The following KCNMA1 variants were observed in gnomAD, a reference collection of about 807,000 sequenced individuals.
KCNMA1 encodes potassium calcium-activated channel subfamily M alpha 1.
In KCNMA1, 29 loss-of-function variants were observed where a neutral mutation model predicts 140.0. That is an observed-to-expected ratio of 0.21 (90% CI 0.15 to 0.28). KCNMA1 has a LOEUF of 0.28. Among genes scored for constraint, KCNMA1 ranks in the 10% least tolerant of loss-of-function variants. The pLI is 1.00. For synonymous variants in KCNMA1, 612 were observed against 611.9 expected, an observed-to-expected ratio of 1.00 and a Z score of 0.00; for missense variants, 880 against 1,602.2, an observed-to-expected ratio of 0.55 and a Z score of 7.70.
At chr10:77,267,275 C>T (rs1288751862) in intron 2 of KCNMA1, among the ~76,000 whole-genome samples, 3 of 152,186 alleles carry the variant, frequency 2.0e-5, no homozygotes, top group Non-Finnish European at 2.9e-5. Context: ...TGAAGTCCCA[C>T]TGAATTCAAT....
At chr10:77,120,849 G>T (rs2097578344) in intron 6 of KCNMA1, 124 bp downstream of exon 6, 2 of 697,268 alleles carry the variant, frequency 2.9e-6, no homozygotes, top group Non-Finnish European at 5.2e-6. Flanking sequence ...CTCTGTGTTA[G>T]ATCACTCTTT....
At chr10:77,471,714 TCA>T (rs2098158597) in intron 1 of KCNMA1, among the ~76,000 whole-genome samples, 1 of 141,454 alleles carries the variant, frequency 7.1e-6, no homozygotes, top group African/African-American at 2.7e-5. Flanking sequence ...TATACACATA[TCA>T]CACATACACA....
Position 77,084,630 on chromosome 10 carries a change from G to C in KCNMA1, c.1523+7C>G. 6.2e-7 allele frequency: 1 copy of C among 1,613,020 alleles called. No homozygotes were observed. The highest frequency in any genetic ancestry group is 8.5e-7 in the Non-Finnish European group (1 of 1,178,954). On this transcript the variant is annotated splice_region_variant and intron_variant, in intron 12 of 27. Coordinates refer to ENST00000286628, the MANE Select transcript of KCNMA1 (RefSeq NM_001161352.2). ...CCCAGGGCCTTCCGCAGCGCCCCAAGAGTTACCTCATGATATTCGAGGCAT... is the reference window on the plus strand; with the variant it reads ...CCCAGGGCCTTCCGCAGCGCCCCAACAGTTACCTCATGATATTCGAGGCAT...
chr10:77,531,226 G>T (rs933033593), intron 1 of KCNMA1, among the ~76,000 whole-genome samples: 1 of 152,204 alleles, frequency 6.6e-6, no homozygotes, highest in African/African-American at 2.4e-5. Context: ...GCAGATGGGG[G>T]TGAATGAAAG....
rs531312166 is a variant in KCNMA1, at chr10:76,917,882, G to A, written c.2903-2833C>T. ...ATATGGGAAAATTATGGTCAGAAAC[G>A]GCAGGATTGCCCCAGATTCCTTAAA... On this transcript the variant is annotated intron_variant, in intron 23 of 27. Transcript: ENST00000286628. Among the ~76,000 whole-genome samples the A allele has an allele frequency of 1.5e-4, 23 of 152,184 alleles. No individual in the cohort carries two copies. The East Asian group carries it at 2.7e-3, about 18-fold the overall frequency.
At chr10:77,158,795 T>G (rs1362144624) in intron 5 of KCNMA1, among the ~76,000 whole-genome samples, 1 of 151,846 alleles carries the variant, frequency 6.6e-6, no homozygotes, top group Non-Finnish European at 1.5e-5. Flanking sequence ...GAAGAAGGAG[T>G]TCAAGGTGAT....
At chr10:76,875,904 T>C (rs2032295734), downstream of KCNMA1, 1 of 152,678 alleles carries the variant, frequency 6.5e-6, no homozygotes, top group South Asian at 2.1e-4. Context: ...TAGTGATTAA[T>C]TATAAGTAGT....
chr10:77,209,316 C>T (rs1329650521), intron 3 of KCNMA1, among the ~76,000 whole-genome samples: 1 of 152,160 alleles, frequency 6.6e-6, no homozygotes, highest in East Asian at 1.9e-4. Context: ...TTCTTATAGG[C>T]ACCTCAGATC....
chr10:77,024,716 T>A (rs1216754669), intron 16 of KCNMA1, among the ~76,000 whole-genome samples: 2 of 152,150 alleles, frequency 1.3e-5, no homozygotes, highest in African/African-American at 2.4e-5. Flanking sequence ...CATGAGTCTG[T>A]CTCAATAAAC....
At chr10:77,107,407 T>C (rs1350073425) in intron 9 of KCNMA1, among the ~76,000 whole-genome samples, 2 of 152,188 alleles carry the variant, frequency 1.3e-5, no homozygotes, top group African/African-American at 4.8e-5. Context: ...GTTAAAGATG[T>C]GTACATTTAA....
chr10:77,619,903 T>C (rs975935532), intron 1 of KCNMA1, among the ~76,000 whole-genome samples: 13 of 151,914 alleles, frequency 8.6e-5, no homozygotes, highest in East Asian at 1.9e-4. Flanking sequence ...ACTTGGAGGA[T>C]GGAGGAGGTG....
chr10:77,029,565 T>A (rs1057462914), intron 15 of KCNMA1, among the ~76,000 whole-genome samples: 1 of 152,074 alleles, frequency 6.6e-6, no homozygotes, highest in Admixed American at 6.6e-5. Context: ...AATAAGAAAA[T>A]ATACAAGTGA....
At chr10:77,012,284 C>A in intron 17 of KCNMA1, 1 of 1,459,862 alleles carries the variant, frequency 6.8e-7, no homozygotes, top group Admixed American at 2.8e-5. Flanking sequence ...TACAAAGAAA[C>A]TGGGAAAAAA....
At chr10:77,254,224 CTT>C (rs11402076) in intron 2 of KCNMA1, among the ~76,000 whole-genome samples, 5 of 140,444 alleles carry the variant, frequency 3.6e-5, no homozygotes, top group African/African-American at 7.9e-5. Flanking sequence ...GAAATATACT[CTT>C]TTTTTTTTTT....
intron 1 of KCNMA1, among the ~76,000 whole-genome samples, chr10:77,494,742 T>C (rs2041245039): frequency 6.6e-6 from 1 of 152,178 alleles, no homozygotes; most frequent in African/African-American, 2.4e-5. Flanking sequence ...CTGAGTTGGA[T>C]TAAATAATAG....
chr10:77,169,245 G>A (rs1180634797), intron 5 of KCNMA1, among the ~76,000 whole-genome samples: 2 of 152,170 alleles, frequency 1.3e-5, no homozygotes, highest in South Asian at 2.1e-4. Flanking sequence ...TTGGGTAGGA[G>A]TGGTTGGTAA....
At chr10:77,539,007 G>A (rs537803630) in intron 1 of KCNMA1, among the ~76,000 whole-genome samples, 121 of 152,224 alleles carry the variant, frequency 7.9e-4, no homozygotes, top group African/African-American at 2.6e-3. Flanking sequence ...CACCACCCAC[G>A]GTCCTACATC....
chr10:77,577,001 A>C (rs2074342710), intron 1 of KCNMA1, among the ~76,000 whole-genome samples: 1 of 152,222 alleles, frequency 6.6e-6, no homozygotes, highest in Non-Finnish European at 1.5e-5. Context: ...TTTAACAGGA[A>C]AGAATGGAGA....
intron 15 of KCNMA1, among the ~76,000 whole-genome samples, chr10:77,032,391 A>C (rs1487662328): frequency 2.0e-5 from 3 of 152,164 alleles, no homozygotes; most frequent in African/African-American, 7.2e-5. Flanking sequence ...ATCAGGAAGC[A>C]GGGTGAGGTG....
Sources: gnomAD v4.1 joint callset for allele counts (sites outside exome capture counted in the v4.1 genomes callset) on GRCh38, gnomAD v4.1.1 for gene constraint, MANE v1.5 for transcripts, NCBI Gene and HGNC (gene_info 2026-07-23, HGNC 2026-07-21) for gene names.